ELF2: variants seen among roughly 807,000 people sequenced by gnomAD.
ELF2 encodes the protein E74 like ETS transcription factor 2.
A neutral mutation model predicts 54.8 loss-of-function variants in ELF2; 11 were observed. The observed-to-expected ratio is 0.20, with a 90% CI of 0.13 to 0.33. The LOEUF is 0.33. ELF2 is among the 10% of genes least tolerant of loss of function. The pLI is 1.00. For missense variants in ELF2, 513 were observed against 703.0 expected (o/e 0.73, Z 3.06); for synonymous variants, 203 against 245.1 (o/e 0.83, Z 1.61).
At chr4:139,133,340 TTTTAA>T (rs1737745257) in intron 3 of ELF2, among the ~76,000 whole-genome samples, 1 of 152,182 alleles carries the variant, frequency 6.6e-6, no homozygotes, top group Admixed American at 6.5e-5. Context: ...CGCCTTGTGG[TTTTAA>T]TTTACATTTC....
intron 4 of ELF2, among the ~76,000 whole-genome samples, chr4:139,107,520 A>T (rs72724728): frequency 0.18 from 27,466 of 152,176 alleles, 2,894 homozygotes; most frequent in South Asian, 0.34. Context: ...AACCAATTTT[A>T]AAAATACAAA....
At chr4:139,161,651 TTAAAAAA>T (rs1741154335) in intron 1 of ELF2, among the ~76,000 whole-genome samples, 4 of 101,868 alleles carry the variant, frequency 3.9e-5, no homozygotes, top group African/African-American at 1.6e-4. Context: ...GTAAAACTGT[TTAAAAAA>T]AAAAAAAAAA....
At position 139,058,407 on chromosome 4, in the gene ELF2, G is replaced by GTGTATATATA. The variant is rs1002583205; in HGVS notation, c.*575_*576insTATATATACA. ...AGCTATATGATATATATATATGTAT[G>GTGTATATATA]TATATATATATATATATATATATAA... On this transcript the variant is annotated 3_prime_UTR_variant, in exon 10 of 10. Coordinates refer to ENST00000686138, the MANE Select transcript of ELF2 (RefSeq NM_001331036.3). The GTGTATATATA allele has an allele frequency of 4.2e-5, 6 of 142,160 alleles. No homozygotes were observed. Among genetic ancestry groups the GTGTATATATA allele is most frequent in the African/African-American group, 1.3e-4 (5 of 38,824 alleles). 8.8% of individuals were successfully genotyped at this position (142,160 alleles called of 1,614,324 possible).
At chr4:139,134,763 C>T (rs904928000) in intron 3 of ELF2, among the ~76,000 whole-genome samples, 1 of 151,556 alleles carries the variant, frequency 6.6e-6, no homozygotes, top group Non-Finnish European at 1.5e-5. Flanking sequence ...TTAGGCTGGT[C>T]TTGAACTCCT....
intron 1 of ELF2, among the ~76,000 whole-genome samples, chr4:139,167,278 T>C (rs1045680924): frequency 6.6e-6 from 1 of 152,172 alleles, no homozygotes; most frequent in East Asian, 1.9e-4. Context: ...TGGGTTCAGG[T>C]GTTCCCATTC....
intron 4 of ELF2, among the ~76,000 whole-genome samples, chr4:139,122,555 G>A (rs1294961060): frequency 6.6e-6 from 1 of 151,810 alleles, no homozygotes; most frequent in Non-Finnish European, 1.5e-5. Flanking sequence ...AGCCTGGAGT[G>A]CAGTAGCACT....
intron 4 of ELF2, among the ~76,000 whole-genome samples, chr4:139,085,176 A>T (rs1313793230): frequency 6.6e-6 from 1 of 152,246 alleles, no homozygotes; most frequent in Non-Finnish European, 1.5e-5. Flanking sequence ...ATAAATCGCC[A>T]ATTTAATGAC....
intron 4 of ELF2, among the ~76,000 whole-genome samples, chr4:139,106,740 C>CTTTTTTTTTTTTT (rs35312494): frequency 1.1e-5 from 1 of 93,758 alleles, no homozygotes; most frequent in Non-Finnish European, 2.1e-5. Context: ...AACTATATTT[C>CTTTTTTTTTTTTT]TTTTTTTTTT....
At chr4:139,114,144 AAT>A (rs1237910389) in intron 4 of ELF2, among the ~76,000 whole-genome samples, 8 of 152,224 alleles carry the variant, frequency 5.3e-5, no homozygotes, top group African/African-American at 1.2e-4. Context: ...TATTGAAGTA[AAT>A]ATGTCATATT....
chr4:139,141,834 A>G (rs1472266157), intron 1 of ELF2, among the ~76,000 whole-genome samples: 1 of 152,130 alleles, frequency 6.6e-6, no homozygotes, highest in Non-Finnish European at 1.5e-5. Context: ...AAGCTATGAA[A>G]TCTACTCCTA....
At chr4:139,158,552 A>C (rs942244622) in intron 1 of ELF2, among the ~76,000 whole-genome samples, 1 of 152,108 alleles carries the variant, frequency 6.6e-6, no homozygotes. Flanking sequence ...AGCTGAAAGA[A>C]GATTTTGTGG....
Position 139,085,739 on chromosome 4 carries a change from G to A in ELF2, c.239-12172C>T, listed in dbSNP as rs72949604. 2.8e-3 allele frequency among the ~76,000 whole-genome samples: 426 copies of A among 152,276 alleles called. 3 individuals are homozygous for A. Among genetic ancestry groups the A allele is most frequent in the African/African-American group, 9.6e-3 (401 of 41,562 alleles). Reference sequence around the variant, plus strand: ...GGTAAACCTGCCATGTATGGGACATGGTAGCTTTTATATTTTATTGCCAAT... The same window carrying A: ...GGTAAACCTGCCATGTATGGGACATAGTAGCTTTTATATTTTATTGCCAAT... On this transcript the variant is annotated intron_variant, in intron 4 of 9. Transcript: ENST00000686138.
intron 4 of ELF2, among the ~76,000 whole-genome samples, chr4:139,081,525 T>G (rs1219746379): frequency 6.6e-6 from 1 of 152,156 alleles, no homozygotes; most frequent in Non-Finnish European, 1.5e-5. Context: ...ACTGGAACTA[T>G]TTTTTACATT....
chr4:139,111,491 CTTTTTTT>C (rs759267275), intron 4 of ELF2, among the ~76,000 whole-genome samples: 1 of 136,302 alleles, frequency 7.3e-6, no homozygotes, highest in East Asian at 2.1e-4. Context: ...CCATACCAAC[CTTTTTTT>C]TTTTTTTTTT....
chr4:139,176,551 C>T (rs1050038270), intron 1 of ELF2, among the ~76,000 whole-genome samples: 1 of 152,146 alleles, frequency 6.6e-6, no homozygotes, highest in Non-Finnish European at 1.5e-5. Context: ...GCCCTGGCCT[C>T]CCCGCGGGAT....
chr4:139,069,466 A>C (rs1230589501), intron 6 of ELF2, among the ~76,000 whole-genome samples: 1 of 152,196 alleles, frequency 6.6e-6, no homozygotes, highest in Non-Finnish European at 1.5e-5. Flanking sequence ...AATAAAACTA[A>C]CATCTTCAGC....
At chr4:139,169,653 C>A (rs532916830) in intron 1 of ELF2, among the ~76,000 whole-genome samples, 10 of 152,098 alleles carry the variant, frequency 6.6e-5, no homozygotes, top group Admixed American at 6.5e-4. Flanking sequence ...GTCAGGAGAT[C>A]GAGACCATCC....
At chr4:139,168,086 G>A (rs1741902207) in intron 1 of ELF2, among the ~76,000 whole-genome samples, 1 of 152,190 alleles carries the variant, frequency 6.6e-6, no homozygotes, top group Non-Finnish European at 1.5e-5. Context: ...ACCCAGTTAT[G>A]GAATGCCGAA....
At chr4:139,176,627 AC>A (rs1742966653) in intron 1 of ELF2, among the ~76,000 whole-genome samples, 1 of 151,948 alleles carries the variant, frequency 6.6e-6, no homozygotes, top group Non-Finnish European at 1.5e-5. Context: ...ACACGGAGAG[AC>A]CAGCTGCGCT....
Sources: gnomAD v4.1 joint callset for allele counts (sites outside exome capture counted in the v4.1 genomes callset) on GRCh38, gnomAD v4.1.1 for gene constraint, MANE v1.5 for transcripts, NCBI Gene and HGNC (gene_info 2026-07-23, HGNC 2026-07-21) for gene names.